The following HPR variants were observed in gnomAD, a reference collection of about 807,000 sequenced individuals.
HPR encodes haptoglobin-related protein.
In HPR, 17 loss-of-function variants were observed where a neutral mutation model predicts 18.5. That is an observed-to-expected ratio of 0.92 (90% CI 0.63 to 1.38). HPR has a LOEUF of 1.38. HPR is among the 40% of genes most tolerant of loss of function. HPR has a pLI of 0.00. For synonymous variants in HPR, 176 were observed against 165.0 expected (o/e 1.07, Z -0.51); for missense variants, 457 against 432.4 (o/e 1.06, Z -0.51).
At chr16:72,074,173 T>C (rs1489212692) in intron 2 of HPR, 111 bp from the exon 3 acceptor site, 2 of 1,260,154 alleles carry the variant, frequency 1.6e-6, no homozygotes, top group African/African-American at 2.9e-5. Context: ...TGGCTTCTAT[T>C]TGGGGTAGAA....
intron 1 of HPR, among the ~76,000 whole-genome samples, chr16:72,065,405 C>T (rs1419828324): frequency 6.6e-6 from 1 of 152,066 alleles, no homozygotes; most frequent in Non-Finnish European, 1.5e-5. Flanking sequence ...CAACAAATCC[C>T]TAATATGAGG....
rs758123096 is a variant in HPR, at chr16:72,076,794, C to G, written c.760C>G (p.His254Asp). The change falls in exon 5 of 5, where the codon CAT becomes GAT. Residue 254 changes from histidine to aspartate, a missense_variant. His to Asp is a moderately conservative substitution (Grantham distance 81). Transcript: ENST00000540303. Reference sequence around the variant, plus strand: ...GGCTGACCAATACGATTGCATAACGCATTATGAAGGCAGCACATGCCCCAA... The same window carrying G: ...GGCTGACCAATACGATTGCATAACGGATTATGAAGGCAGCACATGCCCCAA... ...PVADQYDCIT[H>D]YEGSTCPKWK... is the part of the protein sequence containing the mutation. The G allele has an allele frequency of 6.2e-7, 1 of 1,614,222 alleles. No individual in the cohort carries two copies. Among genetic ancestry groups the G allele is most frequent in the South Asian group, 1.1e-5 (1 of 91,082 alleles).
intron 1 of HPR, among the ~76,000 whole-genome samples, chr16:72,068,402 C>T (rs564005869): frequency 1.3e-5 from 2 of 152,244 alleles, no homozygotes; most frequent in South Asian, 4.2e-4. Context: ...TTGGATACTG[C>T]CGCTTAAGGA....
intron 3 of HPR, 135 bp from the exon 4 acceptor site, chr16:72,075,010 T>A (rs2041702859): frequency 2.3e-6 from 3 of 1,322,912 alleles, no homozygotes; most frequent in South Asian, 2.5e-5. Flanking sequence ...CTTCTCGTAT[T>A]CTCTCTCCTT....
At chr16:72,071,749 C>T (rs1475382808) in intron 1 of HPR, among the ~76,000 whole-genome samples, 3 of 152,186 alleles carry the variant, frequency 2.0e-5, no homozygotes, top group East Asian at 1.9e-4. Flanking sequence ...AGAACATGCA[C>T]TCTAATTCCA....
intron 1 of HPR, among the ~76,000 whole-genome samples, chr16:72,064,815 G>A (rs751995291): frequency 3.3e-5 from 5 of 152,132 alleles, no homozygotes; most frequent in East Asian, 1.9e-4. Context: ...ATTGTCCTCC[G>A]GGAAAGGGTC....
At chr16:72,070,812 G>C (rs187513878) in intron 1 of HPR, among the ~76,000 whole-genome samples, 29 of 152,196 alleles carry the variant, frequency 1.9e-4, no homozygotes, top group African/African-American at 6.5e-4. Flanking sequence ...TATAAGTATA[G>C]AACCTTAAAA....
intron 4 of HPR, among the ~76,000 whole-genome samples, 154 bp downstream of exon 4, chr16:72,075,373 CA>C (rs2041707465): frequency 6.6e-6 from 1 of 152,108 alleles, no homozygotes; most frequent in East Asian, 1.9e-4. Flanking sequence ...GAGACTTAAG[CA>C]GTTAGGTGAT....
At chr16:72,068,494 A>T (rs940392216) in intron 1 of HPR, among the ~76,000 whole-genome samples, 1 of 152,160 alleles carries the variant, frequency 6.6e-6, no homozygotes, top group Non-Finnish European at 1.5e-5. Context: ...TGGACTTCTA[A>T]AGAGGTCGAT....
Position 72,076,701 on chromosome 16 carries a change from G to T in HPR, c.667G>T (p.Val223Leu). 13 of 1,614,206 alleles carry T rather than the reference G, an allele frequency of 8.1e-6. No homozygotes were observed. Among genetic ancestry groups the T allele is most frequent in the Non-Finnish European group, 1.1e-5 (13 of 1,180,038 alleles). The change falls in exon 5 of 5, where the codon GTG (valine) becomes TTG (leucine). Residue 223 changes from valine to leucine, a missense_variant. By Grantham distance (32) the Val-to-Leu change is conservative. Coordinates refer to ENST00000540303, the MANE Select transcript of HPR (RefSeq NM_020995.4). ...TGCAGAAGTAGGGCGTGTGGGTTAC[G>T]TGTCTGGCTGGGGACAAAGTGACAA... The part of the protein sequence containing the change: ...NYAEVGRVGY[V>L]SGWGQSDNFK...
intron 1 of HPR, among the ~76,000 whole-genome samples, chr16:72,067,501 G>A (rs1369407179): frequency 6.6e-6 from 1 of 152,184 alleles, no homozygotes; most frequent in Non-Finnish European, 1.5e-5. Flanking sequence ...AGGCCTACAA[G>A]TCAGCCCAAA....
rs1056139378 is a variant in HPR, at chr16:72,071,044, G to A, written c.6-2848G>A. Among the ~76,000 whole-genome samples, 75 of 152,030 alleles carry A rather than the reference G, an allele frequency of 4.9e-4. 1 individual carries two copies. Among genetic ancestry groups the A allele is most frequent in the Admixed American group, 4.8e-3 (73 of 15,262 alleles). The stretch of plus-strand genomic sequence containing the variant: ...AGAACCCACTATATTCAAACAGTAT[G>A]GATTAGGAGCAAATGTTACAAAACA... On this transcript the variant is annotated intron_variant, in intron 1 of 4. Transcript: ENST00000540303.
At chr16:72,064,381 C>T (rs1247441911) in intron 1 of HPR, among the ~76,000 whole-genome samples, 2 of 152,182 alleles carry the variant, frequency 1.3e-5, no homozygotes, top group African/African-American at 2.4e-5. Context: ...TTCCCCTACC[C>T]TGGTAAACAA....
Position 72,076,462 on chromosome 16 carries a change from C to A in HPR, c.428C>A (p.Ala143Asp), listed in dbSNP as rs761783296. 6.2e-7 allele frequency: 1 copy of A among 1,614,140 alleles called. No homozygotes were observed. The highest frequency in any genetic ancestry group is 1.1e-5 in the South Asian group (1 of 91,074). Residue 143 changes from alanine to aspartate, a missense_variant, in exon 5 of 5, where the codon GCT (alanine) becomes GAT (aspartate). Physicochemically the swap from Ala to Asp is moderately radical, Grantham distance 126 (BLOSUM62 -2). Coordinates refer to ENST00000540303, the MANE Select transcript of HPR (RefSeq NM_020995.4). ...AATGAACAATGGCTGCTGACCACGG[C>A]TAAAAATCTCTTCCTGAACCATTCA... The part of the protein sequence containing the change: ...LINEQWLLTT[A>D]KNLFLNHSEN...
At chr16:72,063,582 T>G (rs1239205578) in intron 1 of HPR, among the ~76,000 whole-genome samples, 2 of 152,180 alleles carry the variant, frequency 1.3e-5, no homozygotes, top group Non-Finnish European at 2.9e-5. Context: ...GATATTTTCC[T>G]CTTTAAAAAT....
intron 1 of HPR, among the ~76,000 whole-genome samples, chr16:72,068,965 G>A (rs2041626252): frequency 6.6e-6 from 1 of 152,140 alleles, no homozygotes. Flanking sequence ...TTTCAAAACA[G>A]GACGGCACTT....
intron 1 of HPR, among the ~76,000 whole-genome samples, chr16:72,066,369 C>T (rs1363763740): frequency 1.7e-4 from 26 of 152,078 alleles, no homozygotes; most frequent in Admixed American, 7.9e-4. Flanking sequence ...AAGCATGATC[C>T]GTAGGGCTGC....
chr16:72,068,658 C>T (rs893129230), intron 1 of HPR, among the ~76,000 whole-genome samples: 3 of 152,154 alleles, frequency 2.0e-5, no homozygotes, highest in African/African-American at 7.2e-5. Context: ...AGCCCATGGC[C>T]TTCCTGTCAA....
At position 72,074,383 on chromosome 16, in the gene HPR, A is replaced by G. The variant is rs1303886749; in HGVS notation, c.191A>G (p.Asp64Gly). The change falls in exon 3 of 5, where the codon GAT becomes GGT. Residue 64 changes from aspartate to glycine, a missense_variant and splice_region_variant. Asp to Gly is a moderately conservative substitution (Grantham distance 94, BLOSUM62 -1). Transcript: ENST00000540303. Reference protein sequence around the residue: ...KNYYRLRTEGDGVYTLNDKKQ... With the variant: ...KNYYRLRTEGGGVYTLNDKKQ... Reference sequence around the variant, plus strand: ...TACTACAGACTGCGCACAGAAGGAGATGGTAAGACCTGGACAACTATCTCT... The same window carrying G: ...TACTACAGACTGCGCACAGAAGGAGGTGGTAAGACCTGGACAACTATCTCT... 6.2e-7 allele frequency: 1 copy of G among 1,607,450 alleles called. No homozygotes were observed. The highest frequency in any genetic ancestry group is 8.5e-7 in the Non-Finnish European group (1 of 1,174,062).
Sources: gnomAD v4.1 joint callset for allele counts (sites outside exome capture counted in the v4.1 genomes callset) on GRCh38, gnomAD v4.1.1 for gene constraint, MANE v1.5 for transcripts, NCBI Gene and HGNC (gene_info 2026-07-23, HGNC 2026-07-21) for gene names.